FAM178B: variants seen among roughly 807,000 people sequenced by gnomAD.
The protein encoded by FAM178B is family with sequence similarity 178 member B.
A neutral mutation model predicts 91.7 loss-of-function variants in FAM178B; 82 were observed. The ratio of observed to expected loss-of-function variants is 0.89; its 90% CI spans 0.75 to 1.07. The LOEUF (loss-of-function observed/expected upper bound fraction) is 1.07, where lower values mean the gene tolerates loss of function less well. FAM178B is among the 50% of genes least tolerant of loss of function. The probability of loss-of-function intolerance (pLI) is 0.00; values close to 1 mark genes in which losing one functional copy is unlikely to be tolerated. For synonymous variants in FAM178B, 368 were observed against 359.4 expected (o/e 1.02, Z -0.27); for missense variants, 769 against 846.7 (o/e 0.91, Z 1.14).
intron 12 of FAM178B, among the ~76,000 whole-genome samples, chr2:96,905,826 A>G (rs1378399657): frequency 0.032 from 604 of 19,054 alleles, 21 homozygotes; most frequent in African/African-American, 0.061. Flanking sequence ...GTGTATATAT[A>G]TATATATATA....
intron 12 of FAM178B, among the ~76,000 whole-genome samples, chr2:96,918,370 A>G (rs1574245385): frequency 6.6e-6 from 1 of 152,244 alleles, no homozygotes. Flanking sequence ...AATTTACAGT[A>G]AGAGAAACAC....
chr2:96,936,369 G>GT (rs1186400498), intron 8 of FAM178B, among the ~76,000 whole-genome samples: 1 of 46,888 alleles, frequency 2.1e-5, no homozygotes, highest in South Asian at 4.0e-4. Flanking sequence ...GCCCGGCTAA[G>GT]TTTTTGTATT....
intron 12 of FAM178B, among the ~76,000 whole-genome samples, chr2:96,911,833 T>C (rs556772428): frequency 2.6e-5 from 4 of 152,224 alleles, no homozygotes; most frequent in South Asian, 4.1e-4. Context: ...GTGCCACTCA[T>C]GGAGCCATGG....
Position 96,972,080 on chromosome 2 carries a change from C to A in FAM178B, c.385G>T (p.Ala129Ser), listed in dbSNP as rs1296211360. ...NPRVLQASRE[A>S]PAQRWVGVVG... is the part of the protein sequence containing the mutation. ...ACACCCACCCACCTCTGGGCCGGGG[C>A]CTCCCGACTGGCCTGCAGCACCCTC... The change falls in exon 3 of 17, where the codon GCC becomes TCC. Residue 129 changes from alanine to serine, a missense_variant. Physicochemically the swap from Ala to Ser is moderately conservative, Grantham distance 99 (BLOSUM62 1). Transcript: ENST00000490605. 1 of 1,536,848 alleles carries A rather than the reference C, an allele frequency of 6.5e-7. No homozygotes were observed. The highest frequency in any genetic ancestry group is 8.8e-7 in the Non-Finnish European group (1 of 1,140,364).
intron 13 of FAM178B, among the ~76,000 whole-genome samples, chr2:96,899,123 G>A (rs1255803598): frequency 6.6e-6 from 1 of 152,210 alleles, no homozygotes; most frequent in Non-Finnish European, 1.5e-5. Flanking sequence ...GTGGAGATGG[G>A]GAAGGAGCTC....
chr2:96,927,113 G>A (rs1297424166), intron 9 of FAM178B, among the ~76,000 whole-genome samples: 1 of 152,216 alleles, frequency 6.6e-6, no homozygotes, highest in Non-Finnish European at 1.5e-5. Context: ...CATGAAGGAT[G>A]CCATACCCTT....
chr2:96,978,759 G>T (rs1393339008), intron 1 of FAM178B, among the ~76,000 whole-genome samples: 4 of 151,542 alleles, frequency 2.6e-5, no homozygotes, highest in African/African-American at 7.3e-5. Context: ...CGAGTAGCTG[G>T]AATTACAGGC....
intron 8 of FAM178B, among the ~76,000 whole-genome samples, chr2:96,931,284 T>C (rs2081534681): frequency 6.6e-6 from 1 of 151,940 alleles, no homozygotes; most frequent in African/African-American, 2.4e-5. Flanking sequence ...ACTAGCTAGG[T>C]GTGGAAGATA....
chr2:96,921,531 G>A lies in FAM178B; in HGVS notation c.1411C>T (p.Leu471Phe). The A allele has an allele frequency of 1.3e-6, 2 of 1,551,708 alleles. No individual in the cohort carries two copies. The highest frequency in any genetic ancestry group is 2.4e-5 in the East Asian group (1 of 40,912). Residue 471 changes from leucine to phenylalanine, a missense_variant, in exon 11 of 17, where the codon CTC (leucine) becomes TTC (phenylalanine). Leu to Phe is a conservative substitution (Grantham distance 22). Transcript: ENST00000490605. ...VGLRLLPKVD[L>F]QQLLLLLLEN... ...AGGAGCAAGAGGAGAAGCTGCTGGA[G>A]GTCAACTTTGGGCAGCAGGCGGAGC...
intron 14 of FAM178B, among the ~76,000 whole-genome samples, chr2:96,878,842 G>C (rs2080309903): frequency 6.6e-6 from 1 of 152,228 alleles, no homozygotes; most frequent in African/African-American, 2.4e-5. Flanking sequence ...CTGGGGAGAG[G>C]GGCCTATCCA....
At position 96,893,982 on chromosome 2, in the gene FAM178B, G is replaced by C; in HGVS notation, c.1720C>G (p.Pro574Ala). 6.2e-7 allele frequency: 1 copy of C among 1,612,860 alleles called. No individual in the cohort carries two copies. Among genetic ancestry groups the C allele is most frequent in the Non-Finnish European group, 8.5e-7 (1 of 1,179,672 alleles). ...TGTTGCTCCTGGCAGGGTGGCAAGG[G>C]CACAGAGTCCAGGTATTGCCTGAGA... Reference protein sequence around the residue: ...SSLRQYLDSVPLPPCQEQQPK... With the variant: ...SSLRQYLDSVALPPCQEQQPK... Residue 574 changes from proline (P) to alanine (A), a missense_variant, in exon 14 of 17, where the codon CCC becomes GCC. Transcript: ENST00000490605.
At position 96,976,706 on chromosome 2, in the gene FAM178B, G is replaced by C. The variant is rs572855503; in HGVS notation, c.74-4100C>G. 1.9e-4 allele frequency among the ~76,000 whole-genome samples: 29 copies of C among 151,824 alleles called. 1 individual carries two copies. The South Asian group carries it at 6.0e-3, about 32-fold the overall frequency. On this transcript the variant is annotated intron_variant, in intron 1 of 16. Coordinates refer to ENST00000490605, the MANE Select transcript of FAM178B (RefSeq NM_001122646.3). Reference sequence around the variant, plus strand: ...CTAAAAATACAAAAAAAATTAGCCAGGTATGGTGGTGGGTGCCTGTAGTCC... The same window carrying C: ...CTAAAAATACAAAAAAAATTAGCCACGTATGGTGGTGGGTGCCTGTAGTCC...
intron 8 of FAM178B, among the ~76,000 whole-genome samples, chr2:96,931,257 C>G (rs182184574): frequency 2.6e-5 from 4 of 152,208 alleles, no homozygotes; most frequent in African/African-American, 9.7e-5. Flanking sequence ...CTTCAGCACA[C>G]TCCACTGTGT....
chr2:96,967,484 C>T (rs762946640), intron 5 of FAM178B, 36 bp downstream of exon 5: 57 of 1,378,986 alleles, frequency 4.1e-5, no homozygotes, highest in Non-Finnish European at 5.6e-5. Context: ...TCAGTCTTTC[C>T]CCTTCGGAGG....
intron 5 of FAM178B, among the ~76,000 whole-genome samples, chr2:96,960,702 G>A (rs1364110091): frequency 4.6e-5 from 7 of 152,222 alleles, no homozygotes; most frequent in Non-Finnish European, 7.3e-5. Flanking sequence ...CCCACCCACT[G>A]GATCTGTCAG....
At chr2:96,963,470 C>G (rs1047678479) in intron 5 of FAM178B, among the ~76,000 whole-genome samples, 6 of 152,230 alleles carry the variant, frequency 3.9e-5, no homozygotes, top group Admixed American at 2.6e-4. Context: ...CAACATCAGA[C>G]AGGAAGCAGC....
intron 7 of FAM178B, 57 bp downstream of exon 7, chr2:96,951,322 G>T: frequency 7.7e-7 from 1 of 1,303,740 alleles, no homozygotes; most frequent in Non-Finnish European, 1.1e-6. Flanking sequence ...CTGTGGGCCT[G>T]CCGGGCCACC....
At chr2:96,937,889 G>A (rs1480358422) in intron 8 of FAM178B, among the ~76,000 whole-genome samples, 1 of 152,062 alleles carries the variant, frequency 6.6e-6, no homozygotes, top group African/African-American at 2.4e-5. Flanking sequence ...TTAGCCGGGC[G>A]TGGTGGCACG....
intron 10 of FAM178B, among the ~76,000 whole-genome samples, chr2:96,922,100 A>G (rs570159164): frequency 2.0e-5 from 3 of 152,266 alleles, no homozygotes; most frequent in African/African-American, 4.8e-5. Context: ...TTATATGCTA[A>G]TAACAGTGAA....
Sources: gnomAD v4.1 joint callset for allele counts (sites outside exome capture counted in the v4.1 genomes callset) on GRCh38, gnomAD v4.1.1 for gene constraint, MANE v1.5 for transcripts, NCBI Gene and HGNC (gene_info 2026-07-23, HGNC 2026-07-21) for gene names.